The following RPS27A variants were observed in gnomAD, a reference collection of about 807,000 sequenced individuals.
RPS27A encodes the protein ribosomal protein S27a.
A neutral mutation model predicts 18.9 loss-of-function variants in RPS27A; 1 was observed. The observed-to-expected ratio is 0.05, with a 90% CI of 0.02 to 0.25. RPS27A has a LOEUF of 0.25. Ranked by LOEUF, RPS27A falls within the 10% of genes least tolerant of loss-of-function variation. The pLI is 1.00. For missense variants in RPS27A, 123 were observed against 187.4 expected, an observed-to-expected ratio of 0.66 and a Z score of 2.01; for synonymous variants, 77 against 63.7, an observed-to-expected ratio of 1.21 and a Z score of -0.99.
rs192298313 is a variant in RPS27A at position 55,232,791 on chromosome 2, C to G, written c.-17-17C>G. On this transcript the variant is annotated splice_polypyrimidine_tract_variant and intron_variant, in intron 1 of 5. Transcript: ENST00000272317. ...GATCCCTGACCTAACCTGTCTCTTC[C>G]TTTTCCTCAACCTCAGGTGGAGCCG... The G allele has an allele frequency of 8.1e-4, 1,304 of 1,603,094 alleles. 6 individuals are homozygous for G. The highest frequency in any genetic ancestry group is 9.1e-4 in the Non-Finnish European group (1,071 of 1,173,308).
chr2:55,235,839 G>C lies in RPS27A; in HGVS notation c.*262G>C, dbSNP rs914678726. The C allele has an allele frequency of 2.0e-6, 1 of 504,248 alleles. No individual in the cohort carries two copies. Among genetic ancestry groups the C allele is most frequent in the African/African-American group, 1.9e-5 (1 of 51,622 alleles). The allele number at this position is 504,248 out of a possible 1,614,324, so 31.2% of individuals were successfully genotyped here. ...TTGGCAGAAGTTATATTTAATGTAA[G>C]TTGTCTAAATATAAGCCAGTTTGTG... On this transcript the variant is annotated 3_prime_UTR_variant, in exon 6 of 6. Coordinates refer to ENST00000272317, the MANE Select transcript of RPS27A (RefSeq NM_002954.6).
chr2:55,234,334 C>G (rs954672568), intron 4 of RPS27A, 130 bp downstream of exon 4: 2 of 711,478 alleles, frequency 2.8e-6, no homozygotes. Flanking sequence ...TCACTGCAAC[C>G]TCCACCTCTC....
chr2:55,235,165 T>A, intron 5 of RPS27A: 1 of 718,146 alleles, frequency 1.4e-6, no homozygotes, highest in Non-Finnish European at 2.3e-6. Flanking sequence ...TGTAATAGGG[T>A]TCTGAGTTTA....
Position 55,232,708 on chromosome 2 carries a change from G to C in RPS27A, c.-18G>C, listed in dbSNP as rs1157336073. The C allele has an allele frequency of 3.3e-6, 3 of 901,634 alleles. No individual in the cohort carries two copies. Among genetic ancestry groups the C allele is most frequent in the Non-Finnish European group, 5.4e-6 (3 of 554,530 alleles). The allele number at this position is 901,634 out of a possible 1,614,324, so 55.9% of individuals were successfully genotyped here. On this transcript the variant is annotated splice_region_variant and 5_prime_UTR_variant, in exon 1 of 6. Transcript: ENST00000272317. ...TCTTCCTTTTCGATCCGCCATCTGC[G>C]GTGGGTGTCTGCACTTCGGCTGCTC...
chr2:55,235,301 T>C (rs1448078699), intron 5 of RPS27A, 127 bp from the exon 6 acceptor site: 6 of 1,022,168 alleles, frequency 5.9e-6, no homozygotes, highest in African/African-American at 4.7e-5. Flanking sequence ...GAATTTAGGG[T>C]GCTTTGGTTT....
chr2:55,233,469 A>T lies in RPS27A; in HGVS notation c.103+52A>T, dbSNP rs6737227. ...ACTTAACCTGCGGAGACTTCGGCCTACCTGTAGGTGCTAGACATACCTGCT... is the reference window on the plus strand; with the variant it reads ...ACTTAACCTGCGGAGACTTCGGCCTTCCTGTAGGTGCTAGACATACCTGCT... On this transcript the variant is annotated intron_variant, in intron 3 of 5. Transcript: ENST00000272317. The T allele has an allele frequency of 0.76, 1,017,875 of 1,341,404 alleles. 387,529 individuals carry two copies. The highest frequency in any genetic ancestry group is 0.77 in the Non-Finnish European group (722,463 of 935,114). 83.1% of individuals were successfully genotyped at this position (1,341,404 alleles called of 1,614,324 possible).
In RPS27A at chr2:55,235,544, G is replaced by C; in HGVS notation, c.438G>C (p.Leu146=). Residue 146 remains leucine (L), a synonymous_variant, in exon 6 of 6, where the codon CTG becomes CTC. Coordinates refer to ENST00000272317, the MANE Select transcript of RPS27A (RefSeq NM_002954.6). ...GACATTATTGTGGCAAATGTTGTCT[G>C]ACTTACTGTTTCAACAAACCAGAAG... ...FDRHYCGKCC[L]TYCFNKPEDK The C allele has an allele frequency of 6.2e-7, 1 of 1,606,128 alleles. No individual in the cohort carries two copies. The highest frequency in any genetic ancestry group is 8.5e-7 in the Non-Finnish European group (1 of 1,179,982).
At chr2:55,232,616 G>T (rs1347599654), upstream of RPS27A, 3 of 624,046 alleles carry the variant, frequency 4.8e-6, no homozygotes, top group Non-Finnish European at 8.7e-6. Context: ...CAGGCATTTG[G>T]TGTGGTCGCC....
chr2:55,235,023 TTA>T lies in RPS27A; in HGVS notation c.321+64_321+65del, dbSNP rs1171362014. On this transcript the variant is annotated intron_variant, in intron 5 of 5. Coordinates refer to ENST00000272317, the MANE Select transcript of RPS27A (RefSeq NM_002954.6). ...TTGGCTTATTTGGAAAACTTAATCT[TTA>T]TAGTACTTGTCAATATTTTCTTGGA... 97 of 1,564,340 alleles carry T rather than the reference TTA, an allele frequency of 6.2e-5. No homozygotes were observed. In the African/African-American group the frequency reaches 9.3e-4, roughly 15 times the overall value.
chr2:55,232,678 G>C, upstream of RPS27A: 2 of 767,780 alleles, frequency 2.6e-6, no homozygotes, highest in East Asian at 2.7e-5. Context: ...GGGCCTGCGC[G>C]GCGTTCTTCC....
At chr2:55,232,434 C>T (rs1675508812), upstream of RPS27A, 1 of 298,892 alleles carries the variant, frequency 3.3e-6, no homozygotes, top group Non-Finnish European at 6.6e-6. Flanking sequence ...TTCTCTTAGC[C>T]ACGTTGATTG....
chr2:55,232,447 C>T (rs1367882110), upstream of RPS27A: 2 of 313,188 alleles, frequency 6.4e-6, no homozygotes, highest in South Asian at 3.1e-5. Flanking sequence ...GTTGATTGTA[C>T]GGGAAAAGCC....
rs750538783 is a variant in RPS27A, at chr2:55,233,410, T to C, written c.96T>C (p.Asp32=). Residue 32 remains aspartate, a synonymous_variant, in exon 3 of 6, where the codon GAT becomes GAC. Coordinates refer to ENST00000272317, the MANE Select transcript of RPS27A (RefSeq NM_002954.6). The stretch of plus-strand genomic sequence containing the variant: ...AAAATGTAAAGGCCAAGATCCAGGA[T>C]AAGGAAGGCAAGTAGTATTTTGTAG... ...TIENVKAKIQ[D]KEGIPPDQQR... is the part of the protein sequence containing the mutation. 3 of 1,612,774 alleles carry C rather than the reference T, an allele frequency of 1.9e-6. No homozygotes were observed. Among genetic ancestry groups the C allele is most frequent in the Non-Finnish European group, 2.5e-6 (3 of 1,178,878 alleles).
At chr2:55,235,123 G>C (rs1303609683) in intron 5 of RPS27A, 161 bp downstream of exon 5, 1 of 855,498 alleles carries the variant, frequency 1.2e-6, no homozygotes, top group Non-Finnish European at 1.8e-6. Context: ...GACTTTCTGG[G>C]GTTTTTCCTG....
At chr2:55,234,070 C>T (rs1675662647) in intron 3 of RPS27A, 49 bp from the exon 4 acceptor site, 2 of 1,201,010 alleles carry the variant, frequency 1.7e-6, no homozygotes, top group Non-Finnish European at 2.5e-6. Flanking sequence ...GTCTGGAGCA[C>T]ATCACAGGCT....
chr2:55,235,240 A>G, intron 5 of RPS27A, 188 bp from the exon 6 acceptor site: 1 of 764,920 alleles, frequency 1.3e-6, no homozygotes. Flanking sequence ...TTTAGTGTTC[A>G]AAAGTCCCAA....
In RPS27A at chr2:55,232,890, A is replaced by G. The variant is rs930819743; in HGVS notation, c.48+18A>G. ...CCCTCGAGGTACGGGCCGGGTGGTC[A>G]TGAGGAAGCCAAGGTCCGAATAAGG... On this transcript the variant is annotated intron_variant, in intron 2 of 5. Coordinates refer to ENST00000272317, the MANE Select transcript of RPS27A (RefSeq NM_002954.6). The G allele has an allele frequency of 2.0e-5, 32 of 1,608,118 alleles. No homozygotes were observed. The highest frequency in any genetic ancestry group is 2.7e-5 in the African/African-American group (2 of 74,866).
chr2:55,234,223 C>T lies in RPS27A; in HGVS notation c.189+19C>T, dbSNP rs1675674547. Reference sequence around the variant, plus strand: ...TCAAAAGGTCTGTCTAGGGGAAGAGCAGCCTCTTTTAAAAAAAAAATGTTA... The same window carrying T: ...TCAAAAGGTCTGTCTAGGGGAAGAGTAGCCTCTTTTAAAAAAAAAATGTTA... On this transcript the variant is annotated intron_variant, in intron 4 of 5. Coordinates refer to ENST00000272317, the MANE Select transcript of RPS27A (RefSeq NM_002954.6). 3.3e-6 allele frequency: 5 copies of T among 1,513,556 alleles called. No individual in the cohort carries two copies. Among genetic ancestry groups the T allele is most frequent in the Non-Finnish European group, 3.7e-6 (4 of 1,088,558 alleles). 93.8% of individuals were successfully genotyped at this position (1,513,556 alleles called of 1,614,324 possible).
intron 5 of RPS27A, 91 bp downstream of exon 5, chr2:55,235,053 T>TA: frequency 7.3e-7 from 1 of 1,372,042 alleles, no homozygotes; most frequent in South Asian, 1.2e-5. Flanking sequence ...TTCTTGGACT[T>TA]AAACACCCAA....
Sources: gnomAD v4.1 joint callset for allele counts on GRCh38, gnomAD v4.1.1 for gene constraint, MANE v1.5 for transcripts, NCBI Gene and HGNC (gene_info 2026-07-23, HGNC 2026-07-21) for gene names.